CCDC186: variants seen among roughly 807,000 people sequenced by gnomAD.
CCDC186 encodes the protein coiled-coil domain-containing protein 186.
A neutral mutation model predicts 113.7 loss-of-function variants in CCDC186; 49 were observed. The ratio of observed to expected loss-of-function variants is 0.43; its 90% confidence interval spans 0.34 to 0.55. CCDC186 has a LOEUF of 0.55. Among genes scored for constraint, CCDC186 ranks in the 20% least tolerant of loss-of-function variants. CCDC186 has a pLI of 0.02. For synonymous variants in CCDC186, 355 were observed against 345.8 expected (o/e 1.03, Z -0.30); for missense variants, 890 against 1,011.1 (o/e 0.88, Z 1.62).
rs555329555 is a variant in CCDC186 at position 114,148,688 on chromosome 10, C to A, written c.888+2404G>T. 3.3e-5 allele frequency among the ~76,000 whole-genome samples: 5 copies of A among 152,268 alleles called. No individual in the cohort carries two copies. The East Asian group carries it at 9.6e-4, about 29-fold the overall frequency. ...AAAAGATCTAAGACAAAGTAGAAATCCAGAATGGTATACTAGGGCTAAAAC... is the reference window on the plus strand; with the variant it reads ...AAAAGATCTAAGACAAAGTAGAAATACAGAATGGTATACTAGGGCTAAAAC... On this transcript the variant is annotated intron_variant, in intron 4 of 15. Coordinates refer to ENST00000369287, the MANE Select transcript of CCDC186 (RefSeq NM_018017.4).
chr10:114,170,397 T>C (rs535855471), intron 1 of CCDC186, among the ~76,000 whole-genome samples: 1 of 152,250 alleles, frequency 6.6e-6, no homozygotes, highest in South Asian at 2.1e-4. Flanking sequence ...AGAGGTCACT[T>C]GCAGCCTCAA....
intron 6 of CCDC186, among the ~76,000 whole-genome samples, chr10:114,143,914 C>G (rs922750535): frequency 1.3e-5 from 2 of 151,972 alleles, no homozygotes; most frequent in African/African-American, 4.8e-5. Context: ...CTTAAAATTA[C>G]GGCATCAGGT....
At position 114,135,016 on chromosome 10, in the gene CCDC186, C is replaced by A. The variant is rs758001809; in HGVS notation, c.1552G>T (p.Glu518Ter). The A allele has an allele frequency of 1.9e-6, 3 of 1,611,036 alleles. No homozygotes were observed. Among genetic ancestry groups the A allele is most frequent in the South Asian group, 2.2e-5 (2 of 90,352 alleles). ...LEDERLRTEDELSKYKEIINR... is the reference protein window; with the variant it reads ...LEDERLRTED Reference sequence around the variant, plus strand: ...ATAATTTCCTTATATTTTGATAATTCATCTTCTGTTCTTAATCGTTCATCT... The same window carrying A: ...ATAATTTCCTTATATTTTGATAATTAATCTTCTGTTCTTAATCGTTCATCT... Residue 518 changes from glutamate to a stop codon, truncating the protein, a stop_gained, in exon 10 of 16, where the codon GAA (glutamate) becomes TAA (stop). Transcript: ENST00000369287. LOFTEE classifies it high-confidence loss of function.
intron 9 of CCDC186, among the ~76,000 whole-genome samples, chr10:114,135,672 T>C (rs1421004938): frequency 6.6e-6 from 1 of 152,182 alleles, no homozygotes; most frequent in Non-Finnish European, 1.5e-5. Context: ...TGCTGTGAAA[T>C]AGTAATGTTT....
At chr10:114,138,284 T>C (rs111826891) in intron 6 of CCDC186, among the ~76,000 whole-genome samples, 1 of 111,170 alleles carries the variant, frequency 9.0e-6, no homozygotes. Context: ...AAACAAAACA[T>C]AAAAACTTTT....
At chr10:114,169,138 CTAAG>C (rs2032414997) in intron 1 of CCDC186, among the ~76,000 whole-genome samples, 1 of 151,098 alleles carries the variant, frequency 6.6e-6, no homozygotes, top group African/African-American at 2.4e-5. Context: ...CCATCAGAAG[CTAAG>C]TAAGAAATGC....
chr10:114,139,871 A>T (rs1269401713), intron 6 of CCDC186, among the ~76,000 whole-genome samples: 2 of 152,244 alleles, frequency 1.3e-5, no homozygotes, highest in Admixed American at 6.5e-5. Context: ...CCTGGCACAT[A>T]GTAAGCACTT....
At chr10:114,173,827 T>C (rs535721447) in intron 1 of CCDC186, among the ~76,000 whole-genome samples, 188 bp downstream of exon 1, 81 of 152,252 alleles carry the variant, frequency 5.3e-4, no homozygotes, top group African/African-American at 1.9e-3. Context: ...TGAAACCCGT[T>C]CCCCAGCCCT....
intron 3 of CCDC186, among the ~76,000 whole-genome samples, chr10:114,153,614 C>T (rs1020768963): frequency 1.5e-4 from 22 of 151,390 alleles, no homozygotes; most frequent in African/African-American, 3.4e-4. Context: ...TGTGAAACCC[C>T]GTCTCTACCA....
Position 114,145,575 on chromosome 10 carries a change from G to T in CCDC186, c.1075C>A (p.Arg359=), listed in dbSNP as rs772361285. 1.9e-6 allele frequency: 3 copies of T among 1,610,502 alleles called. No homozygotes were observed. The East Asian group carries it at 6.7e-5, about 36-fold the overall frequency. The change falls in exon 5 of 16, where the codon CGG becomes AGG. Residue 359 remains arginine, a synonymous_variant. Coordinates refer to ENST00000369287, the MANE Select transcript of CCDC186 (RefSeq NM_018017.4). ...TTAGTTTCATACAGCTGGTGCAACC[G>T]TCCTTTCTCCTGAGAAAGCTGCTTA... is the stretch of plus-strand genomic sequence containing the variant. The part of the protein sequence containing the change: ...KIKQLSQEKG[R]LHQLYETKEG...
At chr10:114,149,601 A>G (rs1212955709) in intron 4 of CCDC186, among the ~76,000 whole-genome samples, 2 of 30,104 alleles carry the variant, frequency 6.6e-5, no homozygotes, top group African/African-American at 1.6e-4. Context: ...AGGGAAGGGA[A>G]GGGAAGGGAA....
intron 6 of CCDC186, 105 bp downstream of exon 6, chr10:114,144,392 T>C (rs2031568996): frequency 1.4e-6 from 2 of 1,389,636 alleles, no homozygotes; most frequent in South Asian, 2.9e-5. Context: ...TTAAAACTCA[T>C]TCTAATCTGA....
chr10:114,156,727 CA>C (rs1231355690), intron 3 of CCDC186, among the ~76,000 whole-genome samples: 1 of 150,672 alleles, frequency 6.6e-6, no homozygotes, highest in Non-Finnish European at 1.5e-5. Flanking sequence ...AACTCTGTCT[CA>C]AAGAAAAAAC....
intron 12 of CCDC186, 140 bp downstream of exon 12, chr10:114,131,004 CAAG>C (rs2031068811): frequency 5.0e-6 from 3 of 603,526 alleles, no homozygotes; most frequent in African/African-American, 1.9e-5. Context: ...CATGAAATTC[CAAG>C]AAGTTTAACA....
intron 2 of CCDC186, 116 bp from the exon 3 acceptor site, chr10:114,157,796 T>C: frequency 1.3e-6 from 1 of 759,152 alleles, no homozygotes; most frequent in Non-Finnish European, 2.0e-6. Flanking sequence ...ATTCATTATG[T>C]TAATAAATTA....
chr10:114,159,029 C>T (rs1353390289), intron 2 of CCDC186, among the ~76,000 whole-genome samples: 1 of 151,962 alleles, frequency 6.6e-6, no homozygotes, highest in Non-Finnish European at 1.5e-5. Flanking sequence ...TAAAGGAGAG[C>T]GAAAAGCCAG....
intron 1 of CCDC186, among the ~76,000 whole-genome samples, chr10:114,173,458 G>A (rs1353645139): frequency 6.6e-6 from 1 of 152,154 alleles, no homozygotes; most frequent in African/African-American, 2.4e-5. Context: ...CAAGGTTTAT[G>A]AAATGCCTTG....
At chr10:114,173,063 C>A in intron 1 of CCDC186, 1 of 361,834 alleles carries the variant, frequency 2.8e-6, no homozygotes, top group Non-Finnish European at 5.6e-6. Context: ...AAGACAACAC[C>A]CGGCCTATCG....
At chr10:114,125,789 T>A (rs1399403038) in intron 15 of CCDC186, 97 bp downstream of exon 15, 2 of 976,886 alleles carry the variant, frequency 2.0e-6, no homozygotes, top group Non-Finnish European at 3.1e-6. Flanking sequence ...CTGCCTTGCA[T>A]TACAGAAACA....
Sources: allele counts gnomAD v4.1 joint callset (sites outside exome capture counted in the v4.1 genomes callset), GRCh38; gene constraint gnomAD v4.1.1; transcripts MANE v1.5; gene names NCBI Gene and HGNC (gene_info 2026-07-23, HGNC 2026-07-21).